WFS1: variants seen among roughly 807,000 people sequenced by gnomAD.
WFS1 encodes wolframin.
Under a neutral mutation model 68.5 loss-of-function variants are expected in WFS1, and 90 were observed. The observed-to-expected ratio is 1.31, with a 90% CI of 1.11 to 1.56. The LOEUF is 1.56. Ranked by LOEUF, WFS1 falls within the 40% of genes most tolerant of loss-of-function variation. The probability of loss-of-function intolerance (pLI) is 0.00; values close to 1 mark genes in which losing one functional copy is unlikely to be tolerated. For synonymous variants in WFS1, 860 were observed against 540.7 expected (o/e 1.59, Z -8.19); for missense variants, 1,767 against 1,232.6 (o/e 1.43, Z -6.49).
At chr4:6,277,021 TCCAAA>T (rs1730013137) in intron 1 of WFS1, among the ~76,000 whole-genome samples, 3 of 152,352 alleles carry the variant, frequency 2.0e-5, no homozygotes, top group African/African-American at 7.2e-5. Flanking sequence ...GACCTGTTTT[TCCAAA>T]TAAGGGCACA....
rs1404468405 is a variant in WFS1, at chr4:6,283,245, C to G, written c.233-3848C>G. On this transcript the variant is annotated intron_variant, in intron 2 of 7. Transcript: ENST00000226760. The surrounding 1 kb of genome is among the most constrained non-coding windows in gnomAD (Gnocchi z 5.0). ...ATGTAGGGTGTTCTCCATAGAACCT[C>G]ACAGAGGGAAGGAGACCTGCCCATG... Among the ~76,000 whole-genome samples, 1 of 152,214 alleles carries G rather than the reference C, an allele frequency of 6.6e-6. No individual in the cohort carries two copies. The highest frequency in any genetic ancestry group is 1.5e-5 in the Non-Finnish European group (1 of 68,038).
At chr4:6,299,742 CGTGT>C (rs555182294) in intron 7 of WFS1, among the ~76,000 whole-genome samples, 5 of 47,388 alleles carry the variant, frequency 1.1e-4, no homozygotes, top group East Asian at 7.2e-4. Flanking sequence ...GGGTAGGTTG[CGTGT>C]GTGTGTGTAG....
At chr4:6,300,534 G>A in intron 7 of WFS1, 123 bp from the exon 8 acceptor site, 1 of 1,453,042 alleles carries the variant, frequency 6.9e-7, no homozygotes, top group South Asian at 1.2e-5. Flanking sequence ...TGGGGCTGGT[G>A]ATGGGAAAAC....
At chr4:6,299,962 T>C (rs1443484844) in intron 7 of WFS1, among the ~76,000 whole-genome samples, 2 of 145,378 alleles carry the variant, frequency 1.4e-5, no homozygotes, top group Non-Finnish European at 3.0e-5. Flanking sequence ...GGGTTGCGTG[T>C]GTGTGTGTGC....
chr4:6,303,219 G>A lies in WFS1; in HGVS notation c.*751G>A, dbSNP rs1339194050. On this transcript the variant is annotated 3_prime_UTR_variant, in exon 8 of 8. Coordinates refer to ENST00000226760, the MANE Select transcript of WFS1 (RefSeq NM_006005.3). ...TGTGTTCAGTGCCTTGGAGCAGAAAGCCAGGGTCCTGAGTGGCTGAAATAA... is the reference window on the plus strand; with the variant it reads ...TGTGTTCAGTGCCTTGGAGCAGAAAACCAGGGTCCTGAGTGGCTGAAATAA... The A allele has an allele frequency of 2.0e-5, 3 of 152,326 alleles. No homozygotes were observed. Among genetic ancestry groups the A allele is most frequent in the African/African-American group, 7.2e-5 (3 of 41,458 alleles). 9.4% of individuals were successfully genotyped at this position (152,326 alleles called of 1,614,324 possible).
rs1017852265 is a variant in WFS1, at chr4:6,301,133, C to T, written c.1338C>T (p.Ser446=). 1.2e-6 allele frequency: 2 copies of T among 1,613,256 alleles called. No homozygotes were observed. Among genetic ancestry groups the T allele is most frequent in the Non-Finnish European group, 1.7e-6 (2 of 1,180,016 alleles). ...TGFFTVTSYL[S]LSTHAEPYTR... ...TCTTTACCGTGACCAGCTACCTGAGCCTGAGCACCCATGCAGAGCCCTACA... is the reference window on the plus strand; with the variant it reads ...TCTTTACCGTGACCAGCTACCTGAGTCTGAGCACCCATGCAGAGCCCTACA... Residue 446 remains serine, a synonymous_variant, in exon 8 of 8, where the codon AGC becomes AGT. Coordinates refer to ENST00000226760, the MANE Select transcript of WFS1 (RefSeq NM_006005.3).
chr4:6,296,579 A>C (rs1297839172), intron 7 of WFS1, among the ~76,000 whole-genome samples: 1 of 152,194 alleles, frequency 6.6e-6, no homozygotes, highest in Non-Finnish European at 1.5e-5. Flanking sequence ...ATGGGAGATG[A>C]GGAAGCTGGG....
At chr4:6,299,432 G>A (rs932262456) in intron 7 of WFS1, among the ~76,000 whole-genome samples, 2 of 151,922 alleles carry the variant, frequency 1.3e-5, no homozygotes, top group Admixed American at 1.3e-4. Context: ...ATGTGTAGGT[G>A]CACACGTGTA....
chr4:6,283,461 C>T lies in WFS1; in HGVS notation c.233-3632C>T, dbSNP rs192963221. Among the ~76,000 whole-genome samples the T allele has an allele frequency of 2.0e-5, 3 of 152,294 alleles. No individual in the cohort carries two copies. Among genetic ancestry groups the T allele is most frequent in the East Asian group, 3.9e-4 (2 of 5,188 alleles). On this transcript the variant is annotated intron_variant, in intron 2 of 7. Coordinates refer to ENST00000226760, the MANE Select transcript of WFS1 (RefSeq NM_006005.3). The surrounding 1 kb of genome is among the most constrained non-coding windows in gnomAD (Gnocchi z 5.0). ...AGCCTAGAGTAGTTTGCTTCAGGCA[C>T]GGCTGGATCCAGGGGCTCAGATGAT...
At position 6,302,484 on chromosome 4, in the gene WFS1, A is replaced by G. The variant is rs768764525; in HGVS notation, c.*16A>G. The G allele has an allele frequency of 2.5e-6, 4 of 1,611,772 alleles. No individual in the cohort carries two copies. Among genetic ancestry groups the G allele is most frequent in the Admixed American group, 1.7e-5 (1 of 60,010 alleles). ...GGCGGCCTGAGGATGGTCCGCCACG[A>G]GGAGCTTCCAGTGCATGTTGCCATG... On this transcript the variant is annotated 3_prime_UTR_variant, in exon 8 of 8. Coordinates refer to ENST00000226760, the MANE Select transcript of WFS1 (RefSeq NM_006005.3).
intron 7 of WFS1, among the ~76,000 whole-genome samples, chr4:6,295,774 G>A (rs1020465305): frequency 1.3e-5 from 2 of 152,084 alleles, no homozygotes; most frequent in African/African-American, 2.4e-5. Flanking sequence ...GGGGAGCGGG[G>A]AGCGGGAAGC....
intron 2 of WFS1, among the ~76,000 whole-genome samples, chr4:6,285,221 GCATTCAGGGAGAGGGA>G (rs914378728): frequency 3.3e-5 from 5 of 151,812 alleles, no homozygotes; most frequent in African/African-American, 1.2e-4. Context: ...AGGAAGAGGG[GCATTCAGGGAGAGGGA>G]CATTCAGGGA....
At chr4:6,272,225 A>T (rs564948902) in intron 1 of WFS1, among the ~76,000 whole-genome samples, 1 of 152,308 alleles carries the variant, frequency 6.6e-6, no homozygotes, top group South Asian at 2.1e-4. Flanking sequence ...TCTCTAGGGC[A>T]GGGGGGCCCA....
intron 2 of WFS1, among the ~76,000 whole-genome samples, chr4:6,281,153 C>G (rs1730151764): frequency 6.6e-6 from 1 of 152,164 alleles, no homozygotes; most frequent in Non-Finnish European, 1.5e-5. Context: ...AGCAGGAGCC[C>G]TGGGGAGGAG....
rs191825915 is a variant in WFS1, at chr4:6,302,862, A to C, written c.*394A>C. 1.0e-5 allele frequency: 3 copies of C among 300,796 alleles called. No homozygotes were observed. The East Asian group carries it at 2.5e-4, about 25-fold the overall frequency. 18.6% of individuals were successfully genotyped at this position (300,796 alleles called of 1,614,324 possible). A position where few individuals can be genotyped will look rare whatever the true frequency, so the allele number is the denominator to read the frequency against. On this transcript the variant is annotated 3_prime_UTR_variant, in exon 8 of 8. Transcript: ENST00000226760. The stretch of plus-strand genomic sequence containing the variant: ...TGTGTTGGATTTGTTTAAAAACCAA[A>C]TAAGCATCTGTGTAACCTCCACAGT...
intron 2 of WFS1, among the ~76,000 whole-genome samples, chr4:6,280,761 C>A (rs1375030805): frequency 6.6e-6 from 1 of 152,176 alleles, no homozygotes; most frequent in East Asian, 1.9e-4. Flanking sequence ...GCCGAGGCCC[C>A]ACCCCTTCCC....
Position 6,291,922 on chromosome 4 carries a change from G to A in WFS1, c.637G>A (p.Gly213Arg). The A allele has an allele frequency of 1.2e-6, 2 of 1,610,138 alleles. No homozygotes were observed. Among genetic ancestry groups the A allele is most frequent in the South Asian group, 1.1e-5 (1 of 89,924 alleles). Reference sequence around the variant, plus strand: ...ATCCACCCTGTCCCCTGCAGATGGAGGGGCGCAGCCAGGCCCCGTGCCCAA... The same window carrying A: ...ATCCACCCTGTCCCCTGCAGATGGAAGGGCGCAGCCAGGCCCCGTGCCCAA... ...NVGQVNEHDGGAQPGPVPKSL... is the reference protein window; with the variant it reads ...NVGQVNEHDGRAQPGPVPKSL... The change falls in exon 6 of 8, where the codon GGG becomes AGG. Residue 213 changes from glycine (G) to arginine (R), a missense_variant. Physicochemically the swap from Gly to Arg is moderately radical, Grantham distance 125. Coordinates refer to ENST00000226760, the MANE Select transcript of WFS1 (RefSeq NM_006005.3).
rs1475411907 is a variant in WFS1, at chr4:6,303,190, T to G, written c.*722T>G. Reference sequence around the variant, plus strand: ...GTCCCTGCCAGTGTTTAGAAGAGCCTGACTGTGTTCAGTGCCTTGGAGCAG... The same window carrying G: ...GTCCCTGCCAGTGTTTAGAAGAGCCGGACTGTGTTCAGTGCCTTGGAGCAG... On this transcript the variant is annotated 3_prime_UTR_variant, in exon 8 of 8. Coordinates refer to ENST00000226760, the MANE Select transcript of WFS1 (RefSeq NM_006005.3). 6.5e-6 allele frequency: 1 copy of G among 152,824 alleles called. No homozygotes were observed. Among genetic ancestry groups the G allele is most frequent in the African/African-American group, 2.4e-5 (1 of 41,458 alleles). 9.5% of individuals were successfully genotyped at this position (152,824 alleles called of 1,614,324 possible).
intron 7 of WFS1, among the ~76,000 whole-genome samples, chr4:6,296,998 G>T (rs1472029604): frequency 6.6e-6 from 1 of 152,026 alleles, no homozygotes; most frequent in Non-Finnish European, 1.5e-5. Context: ...TGATTTTTTT[G>T]AAAACATTTT....
Sources: allele counts gnomAD v4.1 joint callset (sites outside exome capture counted in the v4.1 genomes callset), GRCh38; gene constraint gnomAD v4.1.1; non-coding constraint Gnocchi (gnomAD v3.1); transcripts MANE v1.5; gene names NCBI Gene and HGNC (gene_info 2026-07-23, HGNC 2026-07-21).